Variants in UBR4 observed in about 807,000 individuals in gnomAD.
UBR4 encodes ubiquitin protein ligase E3 component n-recognin 4, also known as E3 ubiquitin-protein ligase UBR4.
Under a neutral mutation model 575.6 loss-of-function variants are expected in UBR4, and 124 were observed. The observed-to-expected ratio is 0.22, with a 90% CI of 0.19 to 0.25. The LOEUF (loss-of-function observed/expected upper bound fraction) is 0.25, where lower values mean the gene tolerates loss of function less well. Among genes scored for constraint, UBR4 ranks in the 10% least tolerant of loss-of-function variants. The pLI is 1.00. For synonymous variants in UBR4, 2,455 were observed against 2,473.7 expected (o/e 0.99, Z 0.22); for missense variants, 4,818 against 6,478.8 (o/e 0.74, Z 8.80).
chr1:19,157,288 AAAC>A lies in UBR4; in HGVS notation c.5761-366_5761-364del, dbSNP rs1163811057. On this transcript the variant is annotated intron_variant, in intron 40 of 105. Transcript: ENST00000375254. This position sits in a 1 kb window ranked among gnomAD's most constrained non-coding sequence, Gnocchi z 4.4. ...ATATTTTCACTTAAAATAAAAGTTA[AAAC>A]AACATTAGTGGTGATGGAGAGGCCA... Among the ~76,000 whole-genome samples the A allele has an allele frequency of 1.3e-5, 2 of 152,268 alleles. No individual in the cohort carries two copies. Among genetic ancestry groups the A allele is most frequent in the Non-Finnish European group, 2.9e-5 (2 of 68,048 alleles).
chr1:19,161,110 G>C lies in UBR4; in HGVS notation c.5213C>G (p.Ser1738Cys), dbSNP rs145593773. ...VKRTPSSGMS[S>C]TMKESAFQSE... ...CTGAAATGCCGACTCCTTCATGGTAGAGCTCATGCCACTGCTAGGAGTTCT... is the reference window on the plus strand; with the variant it reads ...CTGAAATGCCGACTCCTTCATGGTACAGCTCATGCCACTGCTAGGAGTTCT... The change falls in exon 38 of 106, where the codon TCT (serine) becomes TGT (cysteine). Residue 1738 changes from serine to cysteine, a missense_variant. Ser to Cys is a moderately radical substitution (Grantham distance 112, BLOSUM62 -1). Coordinates refer to ENST00000375254, the MANE Select transcript of UBR4 (RefSeq NM_020765.3). 290 of 1,614,132 alleles carry C rather than the reference G, an allele frequency of 1.8e-4. 2 individuals are homozygous for C. The East Asian group carries it at 6.4e-3, about 35-fold the overall frequency.
chr1:19,135,904 T>C (rs77827949), intron 60 of UBR4, among the ~76,000 whole-genome samples: 7,911 of 152,230 alleles, frequency 0.052, 277 homozygotes, highest in Non-Finnish European at 0.085. Flanking sequence ...TCACATATCC[T>C]GGTAAAACTG....
rs1355273255 is a variant in UBR4 at position 19,155,488 on chromosome 1, G to A, written c.6253C>T (p.Pro2085Ser). 6.2e-7 allele frequency: 1 copy of A among 1,614,168 alleles called. No homozygotes were observed. Among genetic ancestry groups the A allele is most frequent in the Non-Finnish European group, 8.5e-7 (1 of 1,180,012 alleles). Residue 2085 changes from proline to serine, a missense_variant, in exon 43 of 106, where the codon CCC becomes TCC. This residue lies in a region of UBR4 where 461 missense variants were observed against 606.9 expected (regional missense o/e 0.76). Coordinates refer to ENST00000375254, the MANE Select transcript of UBR4 (RefSeq NM_020765.3). ...TCCAACACATTAGTGACATAGAAGG[G>A]TCCCTGCTGGGCACTGCTGGCCTCT... Reference protein sequence around the residue: ...MEEASSAQQGPFYVTNVLEIN... With the variant: ...MEEASSAQQGSFYVTNVLEIN...
intron 55 of UBR4, among the ~76,000 whole-genome samples, chr1:19,142,422 T>C (rs879465919): frequency 2.6e-5 from 4 of 152,228 alleles, no homozygotes; most frequent in Non-Finnish European, 4.4e-5. Context: ...ACTCGATGGA[T>C]TGCTAAAGCT....
intron 71 of UBR4, 184 bp downstream of exon 71, chr1:19,118,688 A>G: frequency 1.6e-6 from 1 of 621,944 alleles, no homozygotes; most frequent in South Asian, 2.0e-5. Flanking sequence ...CTCAGCAATG[A>G]CATTTTGAGT....
Position 19,139,284 on chromosome 1 carries a change from CA to C in UBR4, c.8594-65del, listed in dbSNP as rs919064964. On this transcript the variant is annotated intron_variant, in intron 58 of 105. Coordinates refer to ENST00000375254, the MANE Select transcript of UBR4 (RefSeq NM_020765.3). This position sits in a 1 kb window ranked among gnomAD's most constrained non-coding sequence, Gnocchi z 4.2. ...AACAAACAAACAAACAAACAAAAAA[CA>C]AAAAAAACCCCTCCTTGGGATGAAA... 112 of 1,516,558 alleles carry C rather than the reference CA, an allele frequency of 7.4e-5. No homozygotes were observed. The highest frequency in any genetic ancestry group is 1.8e-4 in the Middle Eastern group (1 of 5,590). 93.9% of individuals were successfully genotyped at this position (1,516,558 alleles called of 1,614,324 possible).
intron 31 of UBR4, 116 bp downstream of exon 31, chr1:19,165,133 G>A: frequency 6.8e-7 from 1 of 1,476,308 alleles, no homozygotes; most frequent in Non-Finnish European, 9.4e-7. Flanking sequence ...TTCTCTGAGG[G>A]ATTCTCTCCA....
chr1:19,128,144 G>T, intron 62 of UBR4, 67 bp downstream of exon 62: 1 of 1,471,484 alleles, frequency 6.8e-7, no homozygotes, highest in South Asian at 1.1e-5. Context: ...TCTATGAAAC[G>T]AATGGGAACC....
At chr1:19,114,274 T>C (rs1160181446) in intron 75 of UBR4, among the ~76,000 whole-genome samples, 2 of 152,244 alleles carry the variant, frequency 1.3e-5, no homozygotes, top group Non-Finnish European at 2.9e-5. Flanking sequence ...CTGTGATATA[T>C]AATAATACAA....
At chr1:19,127,807 T>A in intron 62 of UBR4, 68 bp from the exon 63 acceptor site, 1 of 1,296,694 alleles carries the variant, frequency 7.7e-7, no homozygotes, top group Non-Finnish European at 1.1e-6. Flanking sequence ...CTGAACAAGA[T>A]CCCTTCAAGT....
intron 11 of UBR4, among the ~76,000 whole-genome samples, chr1:19,190,451 C>A (rs2091982178): frequency 6.6e-6 from 1 of 151,744 alleles, no homozygotes; most frequent in Non-Finnish European, 1.5e-5. Context: ...TTTGTTAATG[C>A]AGTCCAGGCT....
chr1:19,137,963 C>G (rs754628914), intron 60 of UBR4, 44 bp downstream of exon 60: 5 of 1,436,186 alleles, frequency 3.5e-6, no homozygotes, highest in Admixed American at 2.5e-5. Context: ...CTGAAATAGT[C>G]TCAGATAGGC....
At chr1:19,191,398 G>A (rs1303778054) in intron 11 of UBR4, among the ~76,000 whole-genome samples, 7 of 152,150 alleles carry the variant, frequency 4.6e-5, no homozygotes, top group African/African-American at 1.7e-4. Context: ...TTGAACCCGC[G>A]AAGTGGAGGT....
intron 17 of UBR4, 103 bp downstream of exon 17, chr1:19,183,708 C>G: frequency 4.1e-6 from 5 of 1,215,478 alleles, no homozygotes; most frequent in Non-Finnish European, 5.9e-6. Flanking sequence ...GGTAACAGAG[C>G]AAGACTCCAT....
At chr1:19,149,039 T>C (rs991169510) in intron 49 of UBR4, among the ~76,000 whole-genome samples, 4 of 152,206 alleles carry the variant, frequency 2.6e-5, no homozygotes, top group African/African-American at 9.7e-5. Flanking sequence ...TCCTCTTATA[T>C]TGGAAAGTTT....
intron 65 of UBR4, among the ~76,000 whole-genome samples, chr1:19,123,700 A>G (rs1029838343): frequency 2.6e-5 from 4 of 152,252 alleles, no homozygotes; most frequent in Non-Finnish European, 5.9e-5. Flanking sequence ...ACCATTCCAA[A>G]TCTCTTTTTC....
intron 63 of UBR4, 119 bp downstream of exon 63, chr1:19,127,504 T>C (rs1474796987): frequency 4.0e-6 from 3 of 753,144 alleles, no homozygotes; most frequent in East Asian, 2.5e-5. Flanking sequence ...AGAATCTTAC[T>C]CCCCTCAGGG....
chr1:19,151,020 AG>A, intron 48 of UBR4: 3 of 577,908 alleles, frequency 5.2e-6, no homozygotes. Context: ...TACTCAGAAG[AG>A]TCCCTAACCA....
At chr1:19,099,519 C>A (rs1477433676) in intron 90 of UBR4, 78 bp downstream of exon 90, 4 of 1,322,850 alleles carry the variant, frequency 3.0e-6, no homozygotes, top group South Asian at 2.5e-5. Flanking sequence ...TGATGATGAA[C>A]AATGGCTCCT....
Sources: gnomAD v4.1 joint callset for allele counts (sites outside exome capture counted in the v4.1 genomes callset) on GRCh38, gnomAD v4.1.1 for gene constraint, gnomAD v4.1.1 regional missense constraint, Gnocchi (gnomAD v3.1) non-coding constraint, MANE v1.5 for transcripts, NCBI Gene and HGNC (gene_info 2026-07-23, HGNC 2026-07-21) for gene names.